Variants in PDXK observed in about 807,000 individuals in gnomAD.
The protein encoded by PDXK is epididymis secretory sperm binding protein Li 1a.
Under a neutral mutation model 43.2 loss-of-function variants are expected in PDXK, and 15 were observed. The ratio of observed to expected loss-of-function variants is 0.35; its 90% CI spans 0.23 to 0.53. The LOEUF (loss-of-function observed/expected upper bound fraction) is 0.53. Ranked by LOEUF, PDXK falls within the 20% of genes least tolerant of loss-of-function variation. The pLI, the probability that PDXK is intolerant of heterozygous loss-of-function variation, is 0.92. For synonymous variants in PDXK, 172 were observed against 165.4 expected (o/e 1.04, Z -0.31); for missense variants, 343 against 417.0 (o/e 0.82, Z 1.54).
chr21:43,752,819 T>C (rs1460138419), intron 8 of PDXK, among the ~76,000 whole-genome samples, 190 bp downstream of exon 8: 2 of 152,160 alleles, frequency 1.3e-5, no homozygotes, highest in Non-Finnish European at 2.9e-5. Flanking sequence ...TCACGATGAA[T>C]GGCCTGGCTG....
chr21:43,755,988 G>A lies in PDXK; in HGVS notation c.864G>A (p.Gln288=). ...AGEGVRPSPM[Q]LELRMVQSKR... is the part of the protein sequence containing the mutation. Reference sequence around the variant, plus strand: ...AAGGAGTGAGGCCCAGCCCCATGCAGCTGGAGCTGCGGATGGTGCAGAGCA... The same window carrying A: ...AAGGAGTGAGGCCCAGCCCCATGCAACTGGAGCTGCGGATGGTGCAGAGCA... The change falls in exon 11 of 11, where the codon CAG becomes CAA. Residue 288 remains glutamine (Q), a synonymous_variant. Coordinates refer to ENST00000291565, the MANE Select transcript of PDXK (RefSeq NM_003681.5). 1 of 1,613,078 alleles carries A rather than the reference G, an allele frequency of 6.2e-7. No individual in the cohort carries two copies. Among genetic ancestry groups the A allele is most frequent in the Non-Finnish European group, 8.5e-7 (1 of 1,179,548 alleles).
Position 43,755,682 on chromosome 21 carries a change from T to A in PDXK, c.760-16T>A. 1 of 1,608,962 alleles carries A rather than the reference T, an allele frequency of 6.2e-7. No homozygotes were observed. ...GTGAGTGGGCCAGGGGCACAGCAAG[T>A]CTGTCCTCCCTGCAGGTGGCCTGTG... On this transcript the variant is annotated splice_polypyrimidine_tract_variant and intron_variant, in intron 9 of 10. Coordinates refer to ENST00000291565, the MANE Select transcript of PDXK (RefSeq NM_003681.5).
At chr21:43,736,246 T>A (rs1215136926) in intron 2 of PDXK, among the ~76,000 whole-genome samples, 1 of 152,238 alleles carries the variant, frequency 6.6e-6, no homozygotes, top group Non-Finnish European at 1.5e-5. Flanking sequence ...GATGTCTGCA[T>A]GCACGACGGG....
chr21:43,753,151 C>T (rs1006903821), intron 8 of PDXK, among the ~76,000 whole-genome samples: 3 of 152,280 alleles, frequency 2.0e-5, no homozygotes, highest in Admixed American at 6.5e-5. Context: ...CGGGCACACA[C>T]GTGGACATGG....
Position 43,756,276 on chromosome 21 carries a change from C to A in PDXK, c.*213C>A, listed in dbSNP as rs1007368293. 2.2e-6 allele frequency: 1 copy of A among 447,854 alleles called. No individual in the cohort carries two copies. The highest frequency in any genetic ancestry group is 3.8e-5 in the Admixed American group (1 of 26,450). 27.7% of individuals were successfully genotyped at this position (447,854 alleles called of 1,614,324 possible). The stretch of plus-strand genomic sequence containing the variant: ...TCACAGAAATTTGTGATCTGAAAAC[C>A]CGGCTCCCTTCCCCACAAGGCTCCT... On this transcript the variant is annotated 3_prime_UTR_variant, in exon 11 of 11. Coordinates refer to ENST00000291565, the MANE Select transcript of PDXK (RefSeq NM_003681.5).
Position 43,737,795 on chromosome 21 carries a change from G to A in PDXK, c.142+3672G>A. The A allele has an allele frequency of 2.0e-6, 2 of 985,502 alleles. No individual in the cohort carries two copies. The highest frequency in any genetic ancestry group is 2.4e-6 in the Non-Finnish European group (2 of 829,956). The allele number at this position is 985,502 out of a possible 1,614,324, so 61.0% of individuals were successfully genotyped here. A position where few individuals can be genotyped will look rare whatever the true frequency, so the allele number is the denominator to read the frequency against. ...GGCTGGGATCTGACAGGAGTGCCAGGCTCCTTGGGCCGCCCGAGGAACCGC... is the reference window on the plus strand; with the variant it reads ...GGCTGGGATCTGACAGGAGTGCCAGACTCCTTGGGCCGCCCGAGGAACCGC... On this transcript the variant is annotated intron_variant, in intron 2 of 10. Coordinates refer to ENST00000291565, the MANE Select transcript of PDXK (RefSeq NM_003681.5). The surrounding 1 kb of genome is among the most constrained non-coding windows in gnomAD (Gnocchi z 4.8).
Position 43,746,135 on chromosome 21 carries a change from T to G in PDXK, c.378+10T>G. ...CGGCGAAGGCTCGATGGTGAGTAGT[T>G]TCACGTGTGTGATTTAAAAGTGTGG... On this transcript the variant is annotated intron_variant, in intron 5 of 10. Transcript: ENST00000291565. 1 of 1,608,104 alleles carries G rather than the reference T, an allele frequency of 6.2e-7. No individual in the cohort carries two copies. The highest frequency in any genetic ancestry group is 8.5e-7 in the Non-Finnish European group (1 of 1,174,464).
intron 1 of PDXK, among the ~76,000 whole-genome samples, chr21:43,730,133 G>C (rs895300972): frequency 2.4e-4 from 36 of 149,956 alleles, no homozygotes; most frequent in Non-Finnish European, 4.5e-5. Context: ...TGATTGATTT[G>C]GTTTGATTTG....
rs1568996149 is a variant in PDXK at position 43,756,310 on chromosome 21, G to A, written c.*247G>A. ...TTCCCCACAAGGCTCCTGGGCCTCC[G>A]GGAAGACGGGCCCCTGTTTGCCATC... is the stretch of plus-strand genomic sequence containing the variant. On this transcript the variant is annotated 3_prime_UTR_variant, in exon 11 of 11. Coordinates refer to ENST00000291565, the MANE Select transcript of PDXK (RefSeq NM_003681.5). 1 of 375,912 alleles carries A rather than the reference G, an allele frequency of 2.7e-6. No homozygotes were observed. Among genetic ancestry groups the A allele is most frequent in the Non-Finnish European group, 4.9e-6 (1 of 202,454 alleles). 23.3% of individuals were successfully genotyped at this position (375,912 alleles called of 1,614,324 possible).
chr21:43,721,624 A>G (rs1217108886), intron 1 of PDXK: 1 of 152,244 alleles, frequency 6.6e-6, no homozygotes, highest in Non-Finnish European at 1.5e-5. Flanking sequence ...AGCCTTCCGG[A>G]GTCTCACCTG....
rs746166817 is a variant in PDXK at position 43,755,932 on chromosome 21, C to G, written c.827-19C>G. On this transcript the variant is annotated intron_variant, in intron 10 of 10. Transcript: ENST00000291565. ...GCCCCTCTGAGATGGGAACTCAGTG[C>G]TCTCTGCCTGCCCCGCAGCCCAGGC... The G allele has an allele frequency of 6.3e-7, 1 of 1,578,002 alleles. No homozygotes were observed. The highest frequency in any genetic ancestry group is 8.7e-7 in the Non-Finnish European group (1 of 1,150,442).
At chr21:43,720,036 C>A (rs892819292) in intron 1 of PDXK, 2 of 648,798 alleles carry the variant, frequency 3.1e-6, no homozygotes, top group Admixed American at 6.3e-5. Flanking sequence ...AGGAGAAGCC[C>A]CAGAGAGCAG....
At chr21:43,750,009 C>T (rs1214161260) in intron 6 of PDXK, among the ~76,000 whole-genome samples, 1 of 152,158 alleles carries the variant, frequency 6.6e-6, no homozygotes, top group Non-Finnish European at 1.5e-5. Flanking sequence ...TGGCCCTGAG[C>T]CAGGTCTTGA....
chr21:43,739,985 G>A (rs1342304199), intron 2 of PDXK, among the ~76,000 whole-genome samples: 2 of 151,658 alleles, frequency 1.3e-5, no homozygotes, highest in Non-Finnish European at 2.9e-5. Context: ...CACTGACCTC[G>A]CCCGCAGTGG....
At position 43,732,731 on chromosome 21, in the gene PDXK, C is replaced by T; in HGVS notation, c.88-1338C>T. On this transcript the variant is annotated intron_variant, in intron 1 of 10. Transcript: ENST00000291565. The surrounding 1 kb of genome is among the most constrained non-coding windows in gnomAD (Gnocchi z 4.1). ...TCGGGCTGGTACATTTGCAAAGTGC[C>T]CATTTTATTTTTTATTTTTATTTTT... 4.3e-6 allele frequency: 3 copies of T among 702,420 alleles called. No homozygotes were observed. Among genetic ancestry groups the T allele is most frequent in the Non-Finnish European group, 7.7e-6 (3 of 390,956 alleles). 43.5% of individuals were successfully genotyped at this position (702,420 alleles called of 1,614,324 possible). A position where few individuals can be genotyped will look rare whatever the true frequency, so the allele number is the denominator to read the frequency against.
intron 9 of PDXK, 130 bp from the exon 10 acceptor site, chr21:43,755,568 G>A (rs907740832): frequency 1.6e-5 from 13 of 798,762 alleles, no homozygotes; most frequent in East Asian, 9.8e-5. Flanking sequence ...GTGCATTGGC[G>A]GAGCCGGCTC....
chr21:43,742,953 C>T (rs1157237616), intron 3 of PDXK, among the ~76,000 whole-genome samples: 1 of 152,144 alleles, frequency 6.6e-6, no homozygotes, highest in Admixed American at 6.5e-5. Flanking sequence ...ACCTCTCGCC[C>T]GTGGGTTCAT....
At chr21:43,741,803 T>C (rs372298255) in intron 3 of PDXK, 32 bp downstream of exon 3, 52 of 1,413,596 alleles carry the variant, frequency 3.7e-5, no homozygotes, top group Middle Eastern at 3.8e-4. Flanking sequence ...CGCAGGGGAC[T>C]ACGCACCCCA....
In PDXK at chr21:43,756,236, A is replaced by C. The variant is rs1171367521; in HGVS notation, c.*173A>C. 1 of 523,268 alleles carries C rather than the reference A, an allele frequency of 1.9e-6. No individual in the cohort carries two copies. Among genetic ancestry groups the C allele is most frequent in the Non-Finnish European group, 3.4e-6 (1 of 293,430 alleles). 32.4% of individuals were successfully genotyped at this position (523,268 alleles called of 1,614,324 possible). On this transcript the variant is annotated 3_prime_UTR_variant, in exon 11 of 11. Transcript: ENST00000291565. ...GAAACGTGCCAGTCGTGCTTTGTGA[A>C]AAATAACAAAGTGGTCACAGAAATT...
Sources: allele counts gnomAD v4.1 joint callset (sites outside exome capture counted in the v4.1 genomes callset), GRCh38; gene constraint gnomAD v4.1.1; non-coding constraint Gnocchi (gnomAD v3.1); transcripts MANE v1.5; gene names NCBI Gene and HGNC (gene_info 2026-07-23, HGNC 2026-07-21).